The following TENM4 variants were observed in gnomAD, a reference collection of about 807,000 sequenced individuals.
TENM4 encodes the protein teneurin transmembrane protein 4.
A neutral mutation model predicts 243.3 loss-of-function variants in TENM4; 82 were observed. That is an observed-to-expected ratio of 0.34 (90% confidence interval 0.28 to 0.40). The LOEUF (loss-of-function observed/expected upper bound fraction) is 0.40, where lower values mean the gene tolerates loss of function less well. TENM4 is among the 10% of genes least tolerant of loss of function. The pLI, the probability that TENM4 is intolerant of heterozygous loss-of-function variation, is 1.00. For missense variants in TENM4, 3,138 were observed against 3,673.3 expected (o/e 0.85, Z 3.77); for synonymous variants, 1,412 against 1,456.3 (o/e 0.97, Z 0.69).
At chr11:78,983,476 C>T (rs1282490739) in intron 6 of TENM4, among the ~76,000 whole-genome samples, 1 of 152,262 alleles carries the variant, frequency 6.6e-6, no homozygotes, top group Non-Finnish European at 1.5e-5. Context: ...CATTCGACGA[C>T]ACATTCCTGA....
rs1190243308 is a variant in TENM4 at position 79,358,621 on chromosome 11, G to GCCTGCCTGCCTTCCTTCCCT, written c.-320-61098_-320-61079dup. ...TCCCTCCTTCCCTTCCTCCCTTCCT[G>GCCTGCCTGCCTTCCTTCCCT]CCTGCCTGCCTTCCTTCCCTCCTGC... is the stretch of plus-strand genomic sequence containing the variant. On this transcript the variant is annotated intron_variant, in intron 1 of 33. Coordinates refer to ENST00000278550, the MANE Select transcript of TENM4 (RefSeq NM_001098816.3). Among the ~76,000 whole-genome samples the GCCTGCCTGCCTTCCTTCCCT allele has an allele frequency of 2.6e-5, 4 of 151,180 alleles. No homozygotes were observed. The South Asian group carries it at 6.3e-4, about 24-fold the overall frequency.
chr11:79,276,762 G>T (rs1014417691), intron 2 of TENM4, among the ~76,000 whole-genome samples: 2 of 152,000 alleles, frequency 1.3e-5, no homozygotes, highest in African/African-American at 2.4e-5. Context: ...CTGCTTTGGG[G>T]GTACCATTTG....
intron 14 of TENM4, among the ~76,000 whole-genome samples, chr11:78,807,975 T>A (rs1454658563): frequency 6.6e-6 from 1 of 152,234 alleles, no homozygotes; most frequent in Non-Finnish European, 1.5e-5. Flanking sequence ...GAAAGGACCG[T>A]ATAAACTGTT....
At chr11:79,237,303 C>A (rs1201245521) in intron 2 of TENM4, among the ~76,000 whole-genome samples, 7 of 152,120 alleles carry the variant, frequency 4.6e-5, no homozygotes, top group Non-Finnish European at 8.8e-5. Flanking sequence ...GAGGCCCCAC[C>A]CACCACTGCC....
Position 79,026,438 on chromosome 11 carries a change from C to T in TENM4, c.493+38300G>A, listed in dbSNP as rs145743606. On this transcript the variant is annotated intron_variant, in intron 6 of 33. Coordinates refer to ENST00000278550, the MANE Select transcript of TENM4 (RefSeq NM_001098816.3). ...TGGAAGGAAGGCTTAACAAGAGCGCCATGGACACAGTGCATAGGACTATTT... is the reference window on the plus strand; with the variant it reads ...TGGAAGGAAGGCTTAACAAGAGCGCTATGGACACAGTGCATAGGACTATTT... Among the ~76,000 whole-genome samples the T allele has an allele frequency of 3.3e-5, 5 of 152,254 alleles. No individual in the cohort carries two copies. The East Asian group carries it at 9.7e-4, about 29-fold the overall frequency.
At chr11:79,108,563 C>A (rs971843597) in intron 4 of TENM4, among the ~76,000 whole-genome samples, 3 of 152,010 alleles carry the variant, frequency 2.0e-5, no homozygotes, top group African/African-American at 7.3e-5. Flanking sequence ...TCCATTAGCT[C>A]TATTATCCTG....
intron 1 of TENM4, among the ~76,000 whole-genome samples, chr11:79,330,035 G>A (rs574822372): frequency 1.1e-4 from 16 of 152,296 alleles, no homozygotes; most frequent in African/African-American, 2.9e-4. Flanking sequence ...AGAGAGATCC[G>A]GGCAATGGTG....
chr11:79,089,365 A>G (rs1180800016), intron 4 of TENM4, among the ~76,000 whole-genome samples: 1 of 152,216 alleles, frequency 6.6e-6, no homozygotes, highest in African/African-American at 2.4e-5. Context: ...CACGAGCGCA[A>G]GGAAAGGGTG....
rs139788021 is a variant in TENM4, at chr11:79,175,426, A to C, written c.-162-26620T>G. Among the ~76,000 whole-genome samples the C allele has an allele frequency of 1.4e-4, 21 of 152,310 alleles. No homozygotes were observed. The East Asian group carries it at 3.7e-3, about 27-fold the overall frequency. ...TAGTATTGAATAGAAGAATAAATAAAAGGAGGAAACAATCTAAATGTCTAA... is the reference window on the plus strand; with the variant it reads ...TAGTATTGAATAGAAGAATAAATAACAGGAGGAAACAATCTAAATGTCTAA... On this transcript the variant is annotated intron_variant, in intron 3 of 33. Transcript: ENST00000278550.
At chr11:78,992,279 AT>A (rs1481610377) in intron 6 of TENM4, among the ~76,000 whole-genome samples, 3 of 152,142 alleles carry the variant, frequency 2.0e-5, no homozygotes, top group Admixed American at 6.5e-5. Flanking sequence ...TTGCATTTGT[AT>A]TTTATACTTT....
At chr11:79,238,031 T>C (rs1864512543) in intron 2 of TENM4, among the ~76,000 whole-genome samples, 1 of 152,188 alleles carries the variant, frequency 6.6e-6, no homozygotes. Flanking sequence ...ACATCTTGCA[T>C]TTCTCATTAA....
intron 4 of TENM4, chr11:79,097,930 G>T (rs1861124544): frequency 6.6e-6 from 1 of 151,766 alleles, no homozygotes; most frequent in African/African-American, 2.4e-5. Flanking sequence ...CTGACCACCA[G>T]CAAATAAAAC....
At chr11:78,978,815 C>T (rs1857725899) in intron 6 of TENM4, among the ~76,000 whole-genome samples, 1 of 152,212 alleles carries the variant, frequency 6.6e-6, no homozygotes, top group South Asian at 2.1e-4. Flanking sequence ...TCAGATCTTG[C>T]CCTACTCTGG....
chr11:78,786,956 G>C lies in TENM4; in HGVS notation c.2307C>G (p.Thr769=). The change falls in exon 16 of 34, where the codon ACC becomes ACG. Residue 769 remains threonine, a synonymous_variant. Transcript: ENST00000278550. ...TGCACTCGCACTTGCCGTCGCGGCA[G>C]GTCCCATGCTCGGCACAGCGCGGGT... is the stretch of plus-strand genomic sequence containing the variant. ...ACHPRCAEHG[T]CRDGKCECSP... The C allele has an allele frequency of 6.2e-7, 1 of 1,602,400 alleles. No individual in the cohort carries two copies. Among genetic ancestry groups the C allele is most frequent in the Non-Finnish European group, 8.5e-7 (1 of 1,175,036 alleles).
chr11:79,320,926 T>A (rs78123175), intron 1 of TENM4, among the ~76,000 whole-genome samples: 1 of 152,214 alleles, frequency 6.6e-6, no homozygotes, highest in Non-Finnish European at 1.5e-5. Context: ...TGTCTCTGCA[T>A]AAATGCTTCT....
intron 3 of TENM4, among the ~76,000 whole-genome samples, chr11:79,210,381 A>C (rs1863933740): frequency 6.6e-6 from 1 of 152,108 alleles, no homozygotes; most frequent in Non-Finnish European, 1.5e-5. Flanking sequence ...GTCATGATAG[A>C]CTCCAATTGG....
chr11:79,409,093 TGTGTGTGTGCGCGCGCGCGC>T lies in TENM4; in HGVS notation c.-321+31396_-321+31415del, dbSNP rs1394966996. Reference sequence around the variant, plus strand: ...GTGTGTGTGTGTGTGTGTGTGTGTGTGTGTGTGTGCGCGCGCGCGCGTGCGTGCACGCGCACGCACATGCG... The same window carrying T: ...GTGTGTGTGTGTGTGTGTGTGTGTGTGTGCGTGCACGCGCACGCACATGCG... On this transcript the variant is annotated intron_variant, in intron 1 of 33. Transcript: ENST00000278550. Among the ~76,000 whole-genome samples, 348 of 111,430 alleles carry T rather than the reference TGTGTGTGTGCGCGCGCGCGC, an allele frequency of 3.1e-3. 3 individuals carry two copies. The highest frequency in any genetic ancestry group is 0.011 in the African/African-American group (326 of 30,328). 73.1% of individuals were successfully genotyped at this position (111,430 alleles called of 152,430 possible).
At chr11:78,894,082 G>T (rs1450532747) in intron 7 of TENM4, among the ~76,000 whole-genome samples, 3 of 152,160 alleles carry the variant, frequency 2.0e-5, no homozygotes, top group Admixed American at 2.0e-4. Context: ...GATACACAAA[G>T]GGAAGCATGC....
intron 18 of TENM4, among the ~76,000 whole-genome samples, chr11:78,760,141 T>C (rs1297834506): frequency 6.6e-6 from 1 of 152,196 alleles, no homozygotes; most frequent in African/African-American, 2.4e-5. Context: ...CATTTCATTA[T>C]CCCAGGGCCC....
Sources: gnomAD v4.1 joint callset for allele counts (sites outside exome capture counted in the v4.1 genomes callset) on GRCh38, gnomAD v4.1.1 for gene constraint, MANE v1.5 for transcripts, NCBI Gene and HGNC (gene_info 2026-07-23, HGNC 2026-07-21) for gene names.